RBKS: variants seen among roughly 807,000 people sequenced by gnomAD.
The protein encoded by RBKS is ribokinase.
RBKS carries 33 observed loss-of-function variants against 33.9 expected under a neutral mutation model. The ratio of observed to expected loss-of-function variants is 0.97; its 90% CI spans 0.74 to 1.30. The LOEUF (loss-of-function observed/expected upper bound fraction) is 1.30, where lower values mean the gene tolerates loss of function less well. Ranked by LOEUF, RBKS falls within the 50% of genes most tolerant of loss-of-function variation. The probability of loss-of-function intolerance (pLI) is 0.00; values close to 1 mark genes in which losing one functional copy is unlikely to be tolerated. For missense variants in RBKS, 361 were observed against 392.6 expected (o/e 0.92, Z 0.68); for synonymous variants, 125 against 143.0 (o/e 0.87, Z 0.90).
chr2:27,802,106 G>A (rs1677808275), intron 7 of RBKS, among the ~76,000 whole-genome samples: 1 of 144,954 alleles, frequency 6.9e-6, no homozygotes, highest in Non-Finnish European at 1.5e-5. Flanking sequence ...CCAAAGTGTT[G>A]GGATTATAGG....
At chr2:27,796,084 T>G (rs1035864800) in intron 7 of RBKS, among the ~76,000 whole-genome samples, 5 of 152,172 alleles carry the variant, frequency 3.3e-5, no homozygotes, top group Non-Finnish European at 7.4e-5. Flanking sequence ...TTAGTGAAAA[T>G]GAAGGTTAGG....
At chr2:27,808,346 C>T (rs1027109231) in intron 7 of RBKS, among the ~76,000 whole-genome samples, 13 of 152,156 alleles carry the variant, frequency 8.5e-5, no homozygotes, top group South Asian at 4.1e-4. Context: ...TTATTGGTAC[C>T]CTACAAGTAT....
chr2:27,849,433 C>T (rs1310300604), intron 2 of RBKS, among the ~76,000 whole-genome samples: 2 of 151,290 alleles, frequency 1.3e-5, no homozygotes, highest in Non-Finnish European at 3.0e-5. Context: ...TGTGGTGGCG[C>T]ACGCCTGTAG....
intron 7 of RBKS, among the ~76,000 whole-genome samples, chr2:27,789,925 G>T (rs865934046): frequency 7.7e-6 from 1 of 130,628 alleles, no homozygotes; most frequent in East Asian, 2.2e-4. Flanking sequence ...GTTTGTGTGT[G>T]TATATATATA....
chr2:27,792,469 T>C (rs753173567), intron 7 of RBKS, among the ~76,000 whole-genome samples: 9 of 152,254 alleles, frequency 5.9e-5, no homozygotes, highest in Non-Finnish European at 1.2e-4. Flanking sequence ...GTTAGTTCTT[T>C]CCTTTCTGAC....
intron 7 of RBKS, among the ~76,000 whole-genome samples, chr2:27,806,309 C>A (rs773810922): frequency 1.1e-4 from 17 of 152,124 alleles, no homozygotes; most frequent in Non-Finnish European, 1.8e-4. Flanking sequence ...TCCATAAGGC[C>A]ATTATATAGA....
At chr2:27,824,022 C>T (rs932747911) in intron 7 of RBKS, among the ~76,000 whole-genome samples, 1 of 152,182 alleles carries the variant, frequency 6.6e-6, no homozygotes, top group African/African-American at 2.4e-5. Flanking sequence ...AGAGGAACTC[C>T]ATACTCATTA....
At position 27,837,411 on chromosome 2, in the gene RBKS, T is replaced by C. The variant is rs1473841119; in HGVS notation, c.515-4634A>G. On this transcript the variant is annotated intron_variant, in intron 5 of 7. Coordinates refer to ENST00000302188, the MANE Select transcript of RBKS (RefSeq NM_022128.3). The surrounding 1 kb of genome is among the most constrained non-coding windows in gnomAD (Gnocchi z 4.0). Reference sequence around the variant, plus strand: ...TTAGTTCAGTCATGTAGAAAGCAGTTTGGAGATTGATTCTCAAAGAACTTA... The same window carrying C: ...TTAGTTCAGTCATGTAGAAAGCAGTCTGGAGATTGATTCTCAAAGAACTTA... 6.6e-6 allele frequency among the ~76,000 whole-genome samples: 1 copy of C among 152,220 alleles called. No individual in the cohort carries two copies. The highest frequency in any genetic ancestry group is 2.1e-4 in the South Asian group (1 of 4,830).
chr2:27,881,404 A>G (rs1050101182), intron 1 of RBKS, among the ~76,000 whole-genome samples: 5 of 151,780 alleles, frequency 3.3e-5, no homozygotes, highest in African/African-American at 1.2e-4. Context: ...AGCCAGCCGT[A>G]GTGGTGTGGG....
At chr2:27,886,875 T>C (rs1022654935) in intron 1 of RBKS, among the ~76,000 whole-genome samples, 5 of 152,126 alleles carry the variant, frequency 3.3e-5, no homozygotes, top group Admixed American at 2.0e-4. Context: ...CTTATCTCAC[T>C]TGTAAAATGT....
At chr2:27,858,901 A>G (rs1244885547) in intron 1 of RBKS, among the ~76,000 whole-genome samples, 1 of 152,148 alleles carries the variant, frequency 6.6e-6, no homozygotes, top group African/African-American at 2.4e-5. Flanking sequence ...TCACAGTGGG[A>G]TTTAATAAAT....
intron 2 of RBKS, among the ~76,000 whole-genome samples, chr2:27,857,137 TGTGGA>T (rs1427682044): frequency 6.6e-6 from 1 of 152,220 alleles, no homozygotes; most frequent in Non-Finnish European, 1.5e-5. Context: ...TTAAAACTCC[TGTGGA>T]GAGAAAAGTG....
At position 27,781,585 on chromosome 2, in the gene RBKS, C is replaced by T. The variant is rs1677284337; in HGVS notation, c.*30G>A. On this transcript the variant is annotated 3_prime_UTR_variant, in exon 8 of 8. Coordinates refer to ENST00000302188, the MANE Select transcript of RBKS (RefSeq NM_022128.3). ...GCCACCCCCAAGTACATTTTATTCCCAGGTATATTTATTTTGGGACTAATA... is the reference window on the plus strand; with the variant it reads ...GCCACCCCCAAGTACATTTTATTCCTAGGTATATTTATTTTGGGACTAATA... 1 of 1,559,362 alleles carries T rather than the reference C, an allele frequency of 6.4e-7. No individual in the cohort carries two copies. The highest frequency in any genetic ancestry group is 1.8e-5 in the Admixed American group (1 of 54,080).
rs557817547 is a variant in RBKS at position 27,813,157 on chromosome 2, C to T, written c.795+14410G>A. Among the ~76,000 whole-genome samples, 4 of 152,228 alleles carry T rather than the reference C, an allele frequency of 2.6e-5. No homozygotes were observed. In the East Asian group the frequency reaches 5.8e-4, roughly 22 times the overall value. ...CTGGGGCAGCAGGCAGAAGCAAAGGCAAATTTCTCTGGCAAGAAATACCTT... is the reference window on the plus strand; with the variant it reads ...CTGGGGCAGCAGGCAGAAGCAAAGGTAAATTTCTCTGGCAAGAAATACCTT... On this transcript the variant is annotated intron_variant, in intron 7 of 7. Transcript: ENST00000302188.
chr2:27,802,199 A>C (rs12995865), intron 7 of RBKS, among the ~76,000 whole-genome samples: 43,321 of 149,632 alleles, frequency 0.29, 7,108 homozygotes, highest in East Asian at 0.62. Context: ...GAGAGTGGCA[A>C]GGGGATGGTG....
intron 5 of RBKS, 94 bp downstream of exon 5, chr2:27,842,971 CAG>C: frequency 1.1e-6 from 1 of 872,336 alleles, no homozygotes; most frequent in East Asian, 2.9e-5. Flanking sequence ...TATTTTACGA[CAG>C]AAAGAGTATT....
intron 2 of RBKS, 36 bp from the exon 3 acceptor site, chr2:27,848,133 G>C (rs1663659650): frequency 8.2e-7 from 1 of 1,222,676 alleles, no homozygotes; most frequent in African/African-American, 1.5e-5. Flanking sequence ...AGATCTTTTA[G>C]AGTTAGTAAA....
At chr2:27,789,385 T>A (rs1677464833) in intron 7 of RBKS, among the ~76,000 whole-genome samples, 1 of 151,718 alleles carries the variant, frequency 6.6e-6, no homozygotes, top group Non-Finnish European at 1.5e-5. Flanking sequence ...ACTAAAAAAA[T>A]TTCAGATTTT....
At chr2:27,861,826 TG>T (rs1663994025) in intron 1 of RBKS, among the ~76,000 whole-genome samples, 1 of 152,042 alleles carries the variant, frequency 6.6e-6, no homozygotes, top group South Asian at 2.1e-4. Flanking sequence ...TAATTTTTTT[TG>T]TATTTTTAGT....
Sources: allele counts gnomAD v4.1 joint callset (sites outside exome capture counted in the v4.1 genomes callset), GRCh38; gene constraint gnomAD v4.1.1; non-coding constraint Gnocchi (gnomAD v3.1); transcripts MANE v1.5; gene names NCBI Gene and HGNC (gene_info 2026-07-23, HGNC 2026-07-21).